SPATA6: variants seen among roughly 807,000 people sequenced by gnomAD.
SPATA6 encodes spermatogenesis-associated protein 6.
SPATA6 carries 56 observed loss-of-function variants against 65.3 expected under a neutral mutation model. The ratio of observed to expected loss-of-function variants is 0.86; its 90% CI spans 0.69 to 1.07. The LOEUF is 1.07. Ranked by LOEUF, SPATA6 falls within the 50% of genes least tolerant of loss-of-function variation. The probability of loss-of-function intolerance (pLI) is 0.00; values close to 1 mark genes in which losing one functional copy is unlikely to be tolerated. For missense variants in SPATA6, 590 were observed against 594.8 expected, an observed-to-expected ratio of 0.99 and a Z score of 0.08; for synonymous variants, 199 against 213.2, an observed-to-expected ratio of 0.93 and a Z score of 0.58.
chr1:48,412,405 AACTT>A (rs1046013210), intron 4 of SPATA6, among the ~76,000 whole-genome samples: 6 of 152,212 alleles, frequency 3.9e-5, no homozygotes, highest in African/African-American at 1.4e-4. Flanking sequence ...AAATCACAAA[AACTT>A]AAAAGTCAAT....
chr1:48,405,114 C>T (rs574730789), intron 5 of SPATA6, among the ~76,000 whole-genome samples: 2 of 152,234 alleles, frequency 1.3e-5, no homozygotes, highest in African/African-American at 4.8e-5. Flanking sequence ...ATCGGAGTTG[C>T]CTAACAATTG....
intron 9 of SPATA6, among the ~76,000 whole-genome samples, chr1:48,367,909 G>C (rs1378265846): frequency 6.6e-6 from 1 of 152,106 alleles, no homozygotes; most frequent in Non-Finnish European, 1.5e-5. Context: ...TTTATAATTT[G>C]GCATGTTTTT....
chr1:48,309,158 A>G (rs965849119), intron 11 of SPATA6, among the ~76,000 whole-genome samples: 1 of 152,076 alleles, frequency 6.6e-6, no homozygotes, highest in Non-Finnish European at 1.5e-5. Flanking sequence ...ATTTTCTTCA[A>G]TTTGGCAAGG....
intron 5 of SPATA6, among the ~76,000 whole-genome samples, 167 bp downstream of exon 5, chr1:48,411,297 G>A (rs1317929072): frequency 6.6e-6 from 1 of 152,004 alleles, no homozygotes; most frequent in Non-Finnish European, 1.5e-5. Flanking sequence ...ATATGTTTAA[G>A]TAACATATTG....
At chr1:48,425,105 A>G (rs771818981) in intron 3 of SPATA6, among the ~76,000 whole-genome samples, 1 of 152,156 alleles carries the variant, frequency 6.6e-6, no homozygotes, top group Non-Finnish European at 1.5e-5. Context: ...GTTTTCCTGT[A>G]GTAGTTTCAT....
At chr1:48,387,428 C>T (rs1171175375) in intron 8 of SPATA6, among the ~76,000 whole-genome samples, 2 of 152,200 alleles carry the variant, frequency 1.3e-5, no homozygotes, top group Non-Finnish European at 2.9e-5. Context: ...GGCATAAGTG[C>T]CACTGGGCTG....
At chr1:48,370,504 A>C (rs1647204387) in intron 9 of SPATA6, among the ~76,000 whole-genome samples, 1 of 152,250 alleles carries the variant, frequency 6.6e-6, no homozygotes, top group Admixed American at 6.5e-5. Flanking sequence ...TCATATGTGC[A>C]CTATCTGATT....
intron 12 of SPATA6, among the ~76,000 whole-genome samples, chr1:48,302,361 G>A (rs892765990): frequency 4.6e-5 from 7 of 152,052 alleles, no homozygotes; most frequent in African/African-American, 1.4e-4. Context: ...ACCCCATCCC[G>A]CCTTTTAGAA....
At chr1:48,309,457 C>T (rs1228681065) in intron 11 of SPATA6, among the ~76,000 whole-genome samples, 1 of 152,068 alleles carries the variant, frequency 6.6e-6, no homozygotes, top group African/African-American at 2.4e-5. Context: ...ATGTACTTGT[C>T]AACTTCAGGA....
At chr1:48,307,129 T>C (rs1191651807) in intron 11 of SPATA6, among the ~76,000 whole-genome samples, 1 of 151,516 alleles carries the variant, frequency 6.6e-6, no homozygotes, top group Non-Finnish European at 1.5e-5. Context: ...TGTAATTGCC[T>C]GTAGTGAGTG....
At chr1:48,440,979 C>T (rs1167798905) in intron 3 of SPATA6, among the ~76,000 whole-genome samples, 1 of 152,158 alleles carries the variant, frequency 6.6e-6, no homozygotes, top group Admixed American at 6.5e-5. Context: ...TCAGAGAGGA[C>T]AGAAAATGGA....
chr1:48,389,009 C>T (rs1207334599), intron 8 of SPATA6, among the ~76,000 whole-genome samples: 4 of 152,048 alleles, frequency 2.6e-5, no homozygotes, highest in Non-Finnish European at 5.9e-5. Context: ...CCTCAGCCTC[C>T]CAAGTAGCTA....
intron 11 of SPATA6, among the ~76,000 whole-genome samples, chr1:48,341,520 C>G (rs1646214654): frequency 6.6e-6 from 1 of 152,176 alleles, no homozygotes; most frequent in East Asian, 1.9e-4. Flanking sequence ...ATAAAGCTTG[C>G]ATTCAAGTTA....
chr1:48,344,855 G>C (rs1430266841), intron 11 of SPATA6, among the ~76,000 whole-genome samples: 1 of 152,032 alleles, frequency 6.6e-6, no homozygotes, highest in Non-Finnish European at 1.5e-5. Flanking sequence ...CCCAACACAG[G>C]AGCACGCAGA....
intron 9 of SPATA6, among the ~76,000 whole-genome samples, chr1:48,375,689 C>T (rs1647808327): frequency 6.6e-6 from 1 of 152,064 alleles, no homozygotes; most frequent in African/African-American, 2.4e-5. Context: ...ATATATTTGA[C>T]CAACACCGCC....
At chr1:48,469,513 TGAGA>T (rs1217780290) in intron 1 of SPATA6, among the ~76,000 whole-genome samples, 2 of 150,498 alleles carry the variant, frequency 1.3e-5, no homozygotes, top group African/African-American at 2.4e-5. Flanking sequence ...GTGTGGTATG[TGAGA>T]GAGAGTTTGT....
intron 3 of SPATA6, among the ~76,000 whole-genome samples, chr1:48,413,423 G>A (rs1254729131): frequency 1.3e-5 from 2 of 150,282 alleles, no homozygotes; most frequent in Non-Finnish European, 3.0e-5. Flanking sequence ...CCGAGTAGCT[G>A]GGACTACAGG....
intron 9 of SPATA6, among the ~76,000 whole-genome samples, chr1:48,365,383 T>C (rs964786523): frequency 1.1e-4 from 16 of 151,612 alleles, no homozygotes; most frequent in African/African-American, 1.7e-4. Flanking sequence ...TGTAAATTAC[T>C]TTGGGCAGTA....
At chr1:48,281,033 A>C in the SPATA6 span, among the ~76,000 whole-genome samples, 21 of 152,034 alleles carry the variant, frequency 1.4e-4, no homozygotes, top group Non-Finnish European at 2.7e-4. Context: ...TTCAATATAC[A>C]CAAATCAATA....
Sources: allele counts gnomAD v4.1 joint callset (sites outside exome capture counted in the v4.1 genomes callset), GRCh38; gene constraint gnomAD v4.1.1; transcripts MANE v1.5; gene names NCBI Gene and HGNC (gene_info 2026-07-23, HGNC 2026-07-21).